RBFOX1: variants seen among roughly 807,000 people sequenced by gnomAD.
RBFOX1 encodes RNA binding protein fox-1 homolog 1.
A neutral mutation model predicts 57.7 loss-of-function variants in RBFOX1; 8 were observed. That is an observed-to-expected ratio of 0.14 (90% confidence interval 0.08 to 0.25). The LOEUF is 0.25. Ranked by LOEUF, RBFOX1 falls within the 10% of genes least tolerant of loss-of-function variation. RBFOX1 has a pLI of 1.00. For synonymous variants in RBFOX1, 326 were observed against 222.4 expected, an observed-to-expected ratio of 1.47 and a Z score of -4.15; for missense variants, 611 against 548.5, an observed-to-expected ratio of 1.11 and a Z score of -1.14.
intron 7 of RBFOX1, among the ~76,000 whole-genome samples, chr16:7,591,053 G>A (rs1298923583): frequency 6.6e-6 from 1 of 152,118 alleles, no homozygotes; most frequent in Non-Finnish European, 1.5e-5. Flanking sequence ...CTGTTCTGCG[G>A]TGATGGGAGA....
In RBFOX1 at chr16:6,456,006, G is replaced by A. The variant is rs80239593; in HGVS notation, c.-64+138949G>A. ...AACTGAGCACAAAGCTTATATCTAA[G>A]GATTCTGATAAAATGCAAAGAAAAG... On this transcript the variant is annotated intron_variant, in intron 2 of 15. Coordinates refer to ENST00000550418, the MANE Select transcript of RBFOX1 (RefSeq NM_018723.4). 4.8e-3 allele frequency among the ~76,000 whole-genome samples: 715 copies of A among 148,104 alleles called. 19 individuals are homozygous for A. In the East Asian group the frequency reaches 0.097, roughly 20 times the overall value.
intron 4 of RBFOX1, among the ~76,000 whole-genome samples, chr16:7,054,232 G>GT (rs2051202151): frequency 3.1e-5 from 1 of 32,700 alleles, no homozygotes; most frequent in Non-Finnish European, 5.0e-5. Flanking sequence ...GGGGCGGGGA[G>GT]CTTTTTTTTT....
chr16:5,861,516 C>G (rs1405923592), intron 3 of RBFOX1, among the ~76,000 whole-genome samples: 1 of 152,202 alleles, frequency 6.6e-6, no homozygotes, highest in Non-Finnish European at 1.5e-5. Flanking sequence ...TCAATTTGCT[C>G]TCCCACCTGG....
chr16:7,669,780 G>T (rs2070759012), intron 13 of RBFOX1, among the ~76,000 whole-genome samples: 1 of 152,146 alleles, frequency 6.6e-6, no homozygotes, highest in East Asian at 1.9e-4. Flanking sequence ...CTGGAAAGTA[G>T]GAATTCTTTA....
chr16:6,621,868 T>TTG (rs1194708445), intron 2 of RBFOX1, among the ~76,000 whole-genome samples: 1 of 152,134 alleles, frequency 6.6e-6, no homozygotes, highest in Non-Finnish European at 1.5e-5. Context: ...CGAACAAGGT[T>TTG]TGTGCTCAGT....
intron 3 of RBFOX1, among the ~76,000 whole-genome samples, chr16:5,698,849 T>G (rs1222133842): frequency 5.3e-5 from 8 of 152,216 alleles, no homozygotes; most frequent in Admixed American, 4.6e-4. Flanking sequence ...TTATTAAAGA[T>G]TTTGTTATAG....
At chr16:7,051,409 G>A (rs779406608) in intron 3 of RBFOX1, among the ~76,000 whole-genome samples, 2 of 152,186 alleles carry the variant, frequency 1.3e-5, no homozygotes, top group East Asian at 1.9e-4. Context: ...CATGTCAGTA[G>A]GGCAAAGATA....
chr16:6,823,186 C>G (rs902444779), intron 3 of RBFOX1, among the ~76,000 whole-genome samples: 175 of 152,194 alleles, frequency 1.1e-3, no homozygotes, highest in African/African-American at 3.8e-3. Flanking sequence ...AGCCTGTGTT[C>G]CTTCTTAAGC....
chr16:5,504,431 C>A (rs574958417), intron 2 of RBFOX1, among the ~76,000 whole-genome samples: 1 of 152,212 alleles, frequency 6.6e-6, no homozygotes, highest in Non-Finnish European at 1.5e-5. Context: ...GAAGCAGTTT[C>A]CTGCAGTAGG....
chr16:7,422,632 T>C (rs1434462597), intron 4 of RBFOX1: 1 of 152,100 alleles, frequency 6.6e-6, no homozygotes, highest in Non-Finnish European at 1.5e-5. Flanking sequence ...TTCCAGGGGT[T>C]TGTGACTGCA....
At chr16:6,615,518 C>T (rs901038832) in intron 2 of RBFOX1, among the ~76,000 whole-genome samples, 20 of 151,680 alleles carry the variant, frequency 1.3e-4, no homozygotes, top group African/African-American at 4.8e-4. Flanking sequence ...TGCAGTGAGC[C>T]AAGATCGCAC....
chr16:7,005,812 A>G (rs2093248652), intron 3 of RBFOX1, among the ~76,000 whole-genome samples: 2 of 152,204 alleles, frequency 1.3e-5, no homozygotes, highest in South Asian at 2.1e-4. Context: ...TTTCTGGCTC[A>G]CATGAGTGAC....
At chr16:6,623,794 A>G (rs560349033) in intron 2 of RBFOX1, among the ~76,000 whole-genome samples, 2 of 152,162 alleles carry the variant, frequency 1.3e-5, no homozygotes, top group Non-Finnish European at 2.9e-5. Context: ...TTATGGCTGC[A>G]TAGTATTCTA....
chr16:6,087,237 A>G (rs949088268), intron 1 of RBFOX1, among the ~76,000 whole-genome samples: 4 of 152,226 alleles, frequency 2.6e-5, no homozygotes, highest in African/African-American at 9.6e-5. Context: ...TTTAGGTCCA[A>G]CGAAAAGGTG....
At chr16:5,586,222 C>G (rs1165769367) in intron 2 of RBFOX1, among the ~76,000 whole-genome samples, 1 of 152,132 alleles carries the variant, frequency 6.6e-6, no homozygotes, top group African/African-American at 2.4e-5. Context: ...CTGCCCACAC[C>G]TTGGTTTCAG....
chr16:6,734,866 A>G (rs558934712), intron 3 of RBFOX1, among the ~76,000 whole-genome samples: 4 of 152,222 alleles, frequency 2.6e-5, no homozygotes, highest in East Asian at 3.8e-4. Context: ...GTCATTTTCA[A>G]TAGTTCTTGA....
intron 3 of RBFOX1, among the ~76,000 whole-genome samples, chr16:5,735,455 A>G (rs939490041): frequency 4.6e-5 from 7 of 152,152 alleles, no homozygotes; most frequent in Admixed American, 4.6e-4. Context: ...TCTTTCTCCA[A>G]GGCTGTTGAG....
rs142786738 is a variant in RBFOX1, at chr16:6,950,948, C to G, written c.-15-101109C>G. Among the ~76,000 whole-genome samples the G allele has an allele frequency of 2.7e-3, 417 of 151,868 alleles. 1 individual carries two copies. The highest frequency in any genetic ancestry group is 9.5e-3 in the African/African-American group (394 of 41,398). ...TGACATAGGATCTTGCTCTGTTTCT[C>G]AGGCTGGAGTGCAGTGGCATGATCA... On this transcript the variant is annotated intron_variant, in intron 3 of 15. Coordinates refer to ENST00000550418, the MANE Select transcript of RBFOX1 (RefSeq NM_018723.4).
chr16:6,912,654 C>T (rs971681457), intron 3 of RBFOX1, among the ~76,000 whole-genome samples: 2 of 149,828 alleles, frequency 1.3e-5, no homozygotes, highest in African/African-American at 4.9e-5. Context: ...CTCACTGTGT[C>T]ATCCAGGCTG....
Sources: allele counts gnomAD v4.1 joint callset (sites outside exome capture counted in the v4.1 genomes callset), GRCh38; gene constraint gnomAD v4.1.1; transcripts MANE v1.5; gene names NCBI Gene and HGNC (gene_info 2026-07-23, HGNC 2026-07-21).